The following NUP93 variants were observed in gnomAD, a reference collection of about 807,000 sequenced individuals.
The protein encoded by NUP93 is nuclear pore complex protein Nup93.
A neutral mutation model predicts 107.8 loss-of-function variants in NUP93; 55 were observed. That is an observed-to-expected ratio of 0.51 (90% CI 0.41 to 0.64). The LOEUF (loss-of-function observed/expected upper bound fraction) is 0.64. Among genes scored for constraint, NUP93 ranks in the 30% least tolerant of loss-of-function variants. The pLI is 0.00. For synonymous variants in NUP93, 390 were observed against 397.5 expected, an observed-to-expected ratio of 0.98 and a Z score of 0.22; for missense variants, 937 against 1,044.7, an observed-to-expected ratio of 0.90 and a Z score of 1.42.
chr16:56,743,593 C>G (rs1597102166), intron 1 of NUP93, among the ~76,000 whole-genome samples: 1 of 152,044 alleles, frequency 6.6e-6, no homozygotes, highest in East Asian at 1.9e-4. Flanking sequence ...TGATTGGCAG[C>G]AGCAGTGGGG....
At chr16:56,830,745 C>A in intron 10 of NUP93, 60 bp downstream of exon 10, 1 of 1,387,752 alleles carries the variant, frequency 7.2e-7, no homozygotes, top group Non-Finnish European at 9.5e-7. Flanking sequence ...GGGCATCCTT[C>A]ACTGTCATTA....
intron 8 of NUP93, among the ~76,000 whole-genome samples, chr16:56,827,525 C>T (rs1416605362): frequency 6.6e-6 from 1 of 152,200 alleles, no homozygotes; most frequent in Non-Finnish European, 1.5e-5. Context: ...GGACATCTTT[C>T]AAGCAAGTGA....
chr16:56,814,270 T>TC (rs1485449502), intron 5 of NUP93, among the ~76,000 whole-genome samples: 3 of 152,164 alleles, frequency 2.0e-5, no homozygotes, highest in Non-Finnish European at 4.4e-5. Context: ...AACTTCCGCT[T>TC]CCCGGGCTCA....
chr16:56,848,865 T>C lies in NUP93; in HGVS notation c.*4256T>C, dbSNP rs544861283. 5.9e-5 allele frequency: 9 copies of C among 152,362 alleles called. No individual in the cohort carries two copies. Among genetic ancestry groups the C allele is most frequent in the African/African-American group, 2.2e-4 (9 of 41,588 alleles). The allele number at this position is 152,362 out of a possible 1,614,324, so 9.4% of individuals were successfully genotyped here. A position where few individuals can be genotyped will look rare whatever the true frequency, so the allele number is the denominator to read the frequency against. On this transcript the variant is annotated 3_prime_UTR_variant, in exon 22 of 22. Transcript: ENST00000308159. Reference sequence around the variant, plus strand: ...ATTTGTTCCCAGAGTTGTGCATAATTCTTTAAAAGTAGGCTCGTTTTTTTC... The same window carrying C: ...ATTTGTTCCCAGAGTTGTGCATAATCCTTTAAAAGTAGGCTCGTTTTTTTC...
In NUP93 at chr16:56,847,050, G is replaced by T. The variant is rs972270187; in HGVS notation, c.*2441G>T. The T allele has an allele frequency of 1.3e-5, 2 of 152,272 alleles. No homozygotes were observed. The highest frequency in any genetic ancestry group is 1.3e-4 in the Admixed American group (2 of 15,290). The allele number at this position is 152,272 out of a possible 1,614,324, so 9.4% of individuals were successfully genotyped here. A position where few individuals can be genotyped will look rare whatever the true frequency, so the allele number is the denominator to read the frequency against. On this transcript the variant is annotated 3_prime_UTR_variant, in exon 22 of 22. Coordinates refer to ENST00000308159, the MANE Select transcript of NUP93 (RefSeq NM_014669.5). ...CTTGAGCTGCTCTGCTAGGGGAGCT[G>T]TGAGTTGGGAGAAAAGTGGTCACTG...
intron 16 of NUP93, 137 bp from the exon 17 acceptor site, chr16:56,836,464 A>G: frequency 1.5e-6 from 1 of 651,034 alleles, no homozygotes; most frequent in Non-Finnish European, 2.7e-6. Context: ...AGTCTGGCTG[A>G]TGAAATATAT....
At chr16:56,827,002 C>T (rs1195037036) in intron 8 of NUP93, among the ~76,000 whole-genome samples, 1 of 128,746 alleles carries the variant, frequency 7.8e-6, no homozygotes, top group Non-Finnish European at 1.6e-5. Context: ...GCCGAGGTGG[C>T]GCCTCTGTAC....
chr16:56,736,397 A>T (rs1357356231), intron 1 of NUP93, among the ~76,000 whole-genome samples: 2 of 152,240 alleles, frequency 1.3e-5, no homozygotes, highest in African/African-American at 4.8e-5. Context: ...ATATCATGTT[A>T]TCTGAGTCTG....
intron 3 of NUP93, among the ~76,000 whole-genome samples, chr16:56,781,305 T>A (rs1567385788): frequency 6.6e-6 from 1 of 152,180 alleles, no homozygotes; most frequent in East Asian, 1.9e-4. Context: ...ATCTGAATAG[T>A]TATTAAACAG....
chr16:56,845,225 A>G lies in NUP93; in HGVS notation c.*616A>G, dbSNP rs1347738561. On this transcript the variant is annotated 3_prime_UTR_variant, in exon 22 of 22. Coordinates refer to ENST00000308159, the MANE Select transcript of NUP93 (RefSeq NM_014669.5). Reference sequence around the variant, plus strand: ...CCAGTGGAGATAAAAGCATAGACCTAGAAAAAGCCTTAAGAAGGAAGGTTG... The same window carrying G: ...CCAGTGGAGATAAAAGCATAGACCTGGAAAAAGCCTTAAGAAGGAAGGTTG... The G allele has an allele frequency of 1.2e-5, 2 of 162,012 alleles. No homozygotes were observed. The highest frequency in any genetic ancestry group is 2.7e-5 in the Non-Finnish European group (2 of 73,820). 10.0% of individuals were successfully genotyped at this position (162,012 alleles called of 1,614,324 possible).
At chr16:56,744,709 G>C (rs1199450518) in intron 1 of NUP93, among the ~76,000 whole-genome samples, 1 of 152,164 alleles carries the variant, frequency 6.6e-6, no homozygotes, top group Non-Finnish European at 1.5e-5. Context: ...CCGTTCACCT[G>C]GTTTTTGGTC....
intron 1 of NUP93, 185 bp from the exon 2 acceptor site, chr16:56,748,049 A>G: frequency 4.9e-5 from 19 of 389,552 alleles, no homozygotes; most frequent in East Asian, 8.2e-5. Context: ...TCACAGCCTG[A>G]CTCATTTTCT....
chr16:56,828,532 G>A (rs1328640342), intron 8 of NUP93, among the ~76,000 whole-genome samples: 2 of 152,196 alleles, frequency 1.3e-5, no homozygotes, highest in African/African-American at 4.8e-5. Flanking sequence ...ATGTGTATGT[G>A]TAGAGAGAAA....
rs1056001945 is a variant in NUP93, at chr16:56,774,661, A to G, written c.297+16006A>G. Among the ~76,000 whole-genome samples the G allele has an allele frequency of 3.9e-5, 6 of 152,182 alleles. No individual in the cohort carries two copies. In the South Asian group the frequency reaches 6.2e-4, roughly 16 times the overall value. ...TTCTCTTGGCTTTGAAGAGAATCCTATTGTATAGATGGTTGAAAATACATG... is the reference window on the plus strand; with the variant it reads ...TTCTCTTGGCTTTGAAGAGAATCCTGTTGTATAGATGGTTGAAAATACATG... On this transcript the variant is annotated intron_variant, in intron 3 of 21. Transcript: ENST00000308159.
intron 2 of NUP93, among the ~76,000 whole-genome samples, chr16:56,751,005 G>A (rs1486330654): frequency 1.3e-5 from 2 of 151,920 alleles, no homozygotes; most frequent in African/African-American, 4.8e-5. Flanking sequence ...AAAATTAGCT[G>A]GGCATGGTGA....
chr16:56,823,181 T>C (rs2144613337), intron 7 of NUP93, among the ~76,000 whole-genome samples: 1 of 152,076 alleles, frequency 6.6e-6, no homozygotes, highest in Admixed American at 6.5e-5. Flanking sequence ...GGAAGGAAAA[T>C]GGGAGGCTGT....
intron 5 of NUP93, among the ~76,000 whole-genome samples, chr16:56,814,514 A>G (rs1302945458): frequency 2.0e-5 from 3 of 152,124 alleles, no homozygotes; most frequent in Non-Finnish European, 4.4e-5. Flanking sequence ...TTCTAACTAG[A>G]ATGTGCTTTC....
chr16:56,808,448 A>ATATAAAATATATAGTTATGTAAC (rs1467727929), intron 5 of NUP93, among the ~76,000 whole-genome samples: 3,344 of 12,338 alleles, frequency 0.27, 929 homozygotes, highest in East Asian at 0.42. Context: ...TTATGTAACT[A>ATATAAAATATATAGTTATGTAAC]TATAAAATAT....
At chr16:56,777,281 G>T (rs1240671057) in intron 3 of NUP93, among the ~76,000 whole-genome samples, 1 of 152,040 alleles carries the variant, frequency 6.6e-6, no homozygotes, top group Non-Finnish European at 1.5e-5. Flanking sequence ...TTTCACCGAG[G>T]TGCATTTCGT....
Sources: allele counts gnomAD v4.1 joint callset (sites outside exome capture counted in the v4.1 genomes callset), GRCh38; gene constraint gnomAD v4.1.1; transcripts MANE v1.5; gene names NCBI Gene and HGNC (gene_info 2026-07-23, HGNC 2026-07-21).